Variants in PRKN observed in about 807,000 individuals in gnomAD.
PRKN encodes the protein E3 ubiquitin-protein ligase parkin.
A neutral mutation model predicts 59.5 loss-of-function variants in PRKN; 56 were observed. The ratio of observed to expected loss-of-function variants is 0.94; its 90% CI spans 0.76 to 1.18. The LOEUF is 1.18. Ranked by LOEUF, PRKN falls within the 50% of genes most tolerant of loss-of-function variation. The pLI, the probability that PRKN is intolerant of heterozygous loss-of-function variation, is 0.00. For missense variants in PRKN, 657 were observed against 596.4 expected (o/e 1.10, Z -1.06); for synonymous variants, 250 against 222.1 (o/e 1.13, Z -1.12).
chr6:162,485,115 G>A lies in PRKN; in HGVS notation c.8-41642C>T, dbSNP rs560996719. On this transcript the variant is annotated intron_variant, in intron 1 of 11. Coordinates refer to ENST00000366898, the MANE Select transcript of PRKN (RefSeq NM_004562.3). ...TTGTAGTACTTACACAAGTGTTGAG[G>A]GCATTCATTCGTCACTTTTGTAGTT... Among the ~76,000 whole-genome samples the A allele has an allele frequency of 3.9e-5, 6 of 152,142 alleles. No homozygotes were observed. In the South Asian group the frequency reaches 1.2e-3, roughly 32 times the overall value.
intron 2 of PRKN, among the ~76,000 whole-genome samples, chr6:162,310,555 G>A (rs192319486): frequency 6.6e-6 from 1 of 151,128 alleles, no homozygotes; most frequent in Non-Finnish European, 1.5e-5. Flanking sequence ...TCTAAAGGAA[G>A]AAATTTCTGT....
intron 5 of PRKN, among the ~76,000 whole-genome samples, chr6:161,996,201 C>T (rs538050648): frequency 6.6e-5 from 10 of 152,138 alleles, no homozygotes; most frequent in South Asian, 4.1e-4. Context: ...CACATACACA[C>T]GAGTACTAAT....
Position 161,525,130 on chromosome 6 carries a change from G to GGT in PRKN, c.1083+23722_1083+23723dup, listed in dbSNP as rs61133511. On this transcript the variant is annotated intron_variant, in intron 9 of 11. Coordinates refer to ENST00000366898, the MANE Select transcript of PRKN (RefSeq NM_004562.3). This position sits in a 1 kb window ranked among gnomAD's most constrained non-coding sequence, Gnocchi z 4.7. ...TGACACATTCATTCATTTTCTAAAA[G>GGT]GTGTGTGTGTGTGTGTGTGTGTATG... is the stretch of plus-strand genomic sequence containing the variant. Among the ~76,000 whole-genome samples, 109,841 of 149,322 alleles carry GGT rather than the reference G, an allele frequency of 0.74. 40,528 individuals are homozygous for GGT. Among genetic ancestry groups the GGT allele is most frequent in the Middle Eastern group, 0.81 (238 of 294 alleles).
At chr6:161,905,383 T>G (rs1012403507) in intron 6 of PRKN, among the ~76,000 whole-genome samples, 1 of 152,196 alleles carries the variant, frequency 6.6e-6, no homozygotes, top group Non-Finnish European at 1.5e-5. Context: ...TACACTAACT[T>G]TGAAAAATCT....
chr6:161,368,788 T>C (rs1346018305), intron 10 of PRKN, among the ~76,000 whole-genome samples: 1 of 151,894 alleles, frequency 6.6e-6, no homozygotes. Context: ...CTGCCGAAAG[T>C]GCTTTCAAGA....
At chr6:162,207,559 C>T (rs1785004049) in intron 3 of PRKN, among the ~76,000 whole-genome samples, 1 of 152,152 alleles carries the variant, frequency 6.6e-6, no homozygotes, top group Admixed American at 6.6e-5. Context: ...ACTTGACCGT[C>T]CTAACATCCC....
intron 2 of PRKN, among the ~76,000 whole-genome samples, chr6:162,314,220 A>T (rs1171928384): frequency 6.6e-6 from 1 of 152,182 alleles, no homozygotes; most frequent in African/African-American, 2.4e-5. Flanking sequence ...AGGGAAGCTT[A>T]GAGAATGTCT....
intron 6 of PRKN, among the ~76,000 whole-genome samples, chr6:161,822,930 G>A (rs1178915729): frequency 6.6e-6 from 1 of 151,624 alleles, no homozygotes; most frequent in Non-Finnish European, 1.5e-5. Context: ...TTTTTAACTG[G>A]TTTACTTATT....
In PRKN at chr6:161,352,726, A is replaced by AGTGTGTGTATGT. The variant is rs1554251118; in HGVS notation, c.1286-2516_1286-2515insACATACACACAC. ...TATATAAACACAAATATGTATGAAG[A>AGTGTGTGTATGT]GTGTGTGTGTGTGTGTGTGTGTGTG... On this transcript the variant is annotated intron_variant, in intron 11 of 11. Transcript: ENST00000366898. This position sits in a 1 kb window ranked among gnomAD's most constrained non-coding sequence, Gnocchi z 5.8. Among the ~76,000 whole-genome samples, 1,264 of 128,486 alleles carry AGTGTGTGTATGT rather than the reference A, an allele frequency of 9.8e-3. 28 individuals carry two copies. The highest frequency in any genetic ancestry group is 0.036 in the African/African-American group (1,190 of 32,856). The allele number at this position is 128,486 out of a possible 152,430, so 84.3% of individuals were successfully genotyped here.
rs1784576525 is a variant in PRKN, at chr6:161,352,200, G to A, written c.1286-1989C>T. 6.6e-6 allele frequency among the ~76,000 whole-genome samples: 1 copy of A among 152,116 alleles called. No individual in the cohort carries two copies. Among genetic ancestry groups the A allele is most frequent in the Non-Finnish European group, 1.5e-5 (1 of 68,032 alleles). ...TTCCTGCCAAATTTTCCAAGTAATT[G>A]GTTCGGTGCTGTCTCACTTTTATTA... On this transcript the variant is annotated intron_variant, in intron 11 of 11. Coordinates refer to ENST00000366898, the MANE Select transcript of PRKN (RefSeq NM_004562.3). This position sits in a 1 kb window ranked among gnomAD's most constrained non-coding sequence, Gnocchi z 5.8.
Position 162,253,204 on chromosome 6 carries a change from C to T in PRKN, c.412+9321G>A, listed in dbSNP as rs191122300. Among the ~76,000 whole-genome samples, 155 of 152,262 alleles carry T rather than the reference C, an allele frequency of 1.0e-3. 1 individual carries two copies. The highest frequency in any genetic ancestry group is 3.6e-3 in the African/African-American group (148 of 41,540). On this transcript the variant is annotated intron_variant, in intron 3 of 11. Coordinates refer to ENST00000366898, the MANE Select transcript of PRKN (RefSeq NM_004562.3). ...ATCGAAATGGTAATTGAAAGAGAAACTGGAAACATCACCTGTATGAAAAAT... is the reference window on the plus strand; with the variant it reads ...ATCGAAATGGTAATTGAAAGAGAAATTGGAAACATCACCTGTATGAAAAAT...
Position 161,897,984 on chromosome 6 carries a change from A to AAAAAAAAAAAAAAAAAAAAAAAAAT in PRKN, c.734+75317_734+75318insATTTTTTTTTTTTTTTTTTTTTTTT, listed in dbSNP as rs1554244227. ...TCCGTCTCAAAAAAAAAAAAAAAAA[A>AAAAAAAAAAAAAAAAAAAAAAAAAT]GTCTCCCAGTTGCATAGAAAAGGTT... On this transcript the variant is annotated intron_variant, in intron 6 of 11. Transcript: ENST00000366898. Among the ~76,000 whole-genome samples the AAAAAAAAAAAAAAAAAAAAAAAAAT allele has an allele frequency of 8.8e-4, 103 of 117,602 alleles. 13 individuals carry two copies. The highest frequency in any genetic ancestry group is 4.1e-3 in the African/African-American group (98 of 23,960). The allele number at this position is 117,602 out of a possible 152,430, so 77.2% of individuals were successfully genotyped here.
intron 6 of PRKN, among the ~76,000 whole-genome samples, chr6:161,885,643 T>G (rs560899504): frequency 7.3e-6 from 1 of 137,666 alleles, no homozygotes; most frequent in East Asian, 2.1e-4. Flanking sequence ...CCAGCCTGGG[T>G]GACAGAGCGA....
At chr6:162,547,994 C>T (rs1037643044) in intron 1 of PRKN, among the ~76,000 whole-genome samples, 5 of 152,146 alleles carry the variant, frequency 3.3e-5, no homozygotes, top group Admixed American at 3.3e-4. Context: ...CAGCAGGGAT[C>T]GAGACACCAT....
intron 2 of PRKN, among the ~76,000 whole-genome samples, chr6:162,311,229 G>A (rs927034128): frequency 6.6e-6 from 1 of 152,088 alleles, no homozygotes; most frequent in Non-Finnish European, 1.5e-5. Flanking sequence ...GAATAGATTT[G>A]TTAAAATATT....
chr6:161,431,016 G>T (rs1788622065), intron 9 of PRKN, among the ~76,000 whole-genome samples: 1 of 151,406 alleles, frequency 6.6e-6, no homozygotes, highest in Non-Finnish European at 1.5e-5. Flanking sequence ...GTGCATGCCT[G>T]TAAGCCCAGC....
chr6:162,310,709 C>T (rs925415905), intron 2 of PRKN, among the ~76,000 whole-genome samples: 9 of 151,476 alleles, frequency 5.9e-5, no homozygotes, highest in Non-Finnish European at 1.2e-4. Flanking sequence ...CAAACCTGCA[C>T]ATTGTGCATA....
intron 7 of PRKN, among the ~76,000 whole-genome samples, chr6:161,749,328 T>G (rs889867529): frequency 1.3e-5 from 2 of 152,184 alleles, no homozygotes; most frequent in African/African-American, 2.4e-5. Context: ...TGCATATATG[T>G]GCATATGTAC....
chr6:162,569,098 C>A, intron 1 of PRKN: 1 of 665,216 alleles, frequency 1.5e-6, no homozygotes, highest in Admixed American at 2.1e-5. Context: ...TTGCTGAGGT[C>A]AAGGCGTAGT....
Sources: allele counts gnomAD v4.1 joint callset (sites outside exome capture counted in the v4.1 genomes callset), GRCh38; gene constraint gnomAD v4.1.1; non-coding constraint Gnocchi (gnomAD v3.1); transcripts MANE v1.5; gene names NCBI Gene and HGNC (gene_info 2026-07-23, HGNC 2026-07-21).